Variants in CDH18 observed in about 807,000 individuals in gnomAD.
The protein encoded by CDH18 is cadherin 18.
Under a neutral mutation model 67.9 loss-of-function variants are expected in CDH18, and 31 were observed. The observed-to-expected ratio is 0.46, with a 90% CI of 0.34 to 0.62. CDH18 has a LOEUF of 0.62. Among genes scored for constraint, CDH18 ranks in the 20% least tolerant of loss-of-function variants. CDH18 has a pLI of 0.01. For missense variants in CDH18, 890 were observed against 975.5 expected (o/e 0.91, Z 1.17); for synonymous variants, 362 against 347.2 (o/e 1.04, Z -0.48).
At chr5:19,859,988 G>GT (rs1384883833) in intron 2 of CDH18, among the ~76,000 whole-genome samples, 25 of 119,258 alleles carry the variant, frequency 2.1e-4, no homozygotes, top group South Asian at 1.2e-3. Flanking sequence ...TGTTTGCTTT[G>GT]GGTGTGTGTG....
chr5:19,717,479 A>T (rs978402861), intron 5 of CDH18, among the ~76,000 whole-genome samples: 2 of 151,916 alleles, frequency 1.3e-5, no homozygotes, highest in Admixed American at 1.3e-4. Context: ...TCTCCAACCT[A>T]TGTTATGGGA....
Position 19,558,931 on chromosome 5 carries a change from T to G in CDH18, c.1253+12648A>C, listed in dbSNP as rs78182354. ...GAACACGATCTAGGACAGTTGTATA[T>G]TTCCAGGAATGTATCCATCTCCTCT... On this transcript the variant is annotated intron_variant, in intron 8 of 12. Transcript: ENST00000382275. 2.5e-3 allele frequency among the ~76,000 whole-genome samples: 381 copies of G among 152,184 alleles called. 1 individual carries two copies. Among genetic ancestry groups the G allele is most frequent in the Non-Finnish European group, 3.9e-3 (263 of 67,978 alleles).
intron 5 of CDH18, among the ~76,000 whole-genome samples, chr5:19,707,573 C>A (rs1457984323): frequency 6.6e-6 from 1 of 152,164 alleles, no homozygotes; most frequent in Non-Finnish European, 1.5e-5. Flanking sequence ...ATGAATATTT[C>A]TTTAGGATTT....
At chr5:20,411,959 G>A (rs1219316291) in intron 1 of CDH18, among the ~76,000 whole-genome samples, 1 of 152,064 alleles carries the variant, frequency 6.6e-6, no homozygotes, top group Non-Finnish European at 1.5e-5. Flanking sequence ...TCATACTGCT[G>A]AAAGCAATCT....
At chr5:19,893,586 C>A (rs1788994390) in intron 2 of CDH18, among the ~76,000 whole-genome samples, 1 of 151,912 alleles carries the variant, frequency 6.6e-6, no homozygotes, top group African/African-American at 2.4e-5. Context: ...CTCTCTCTTT[C>A]TCTCTCTCTC....
At chr5:20,386,883 T>G (rs1744356374) in intron 1 of CDH18, among the ~76,000 whole-genome samples, 1 of 152,080 alleles carries the variant, frequency 6.6e-6, no homozygotes, top group Admixed American at 6.6e-5. Flanking sequence ...CTTCTCTCTG[T>G]CTCTCTCTCC....
intron 1 of CDH18, among the ~76,000 whole-genome samples, chr5:20,527,196 C>T (rs112059864): frequency 6.6e-6 from 1 of 151,330 alleles, no homozygotes; most frequent in East Asian, 1.9e-4. Context: ...ATAAGGCAGG[C>T]AGACAAGACT....
intron 2 of CDH18, among the ~76,000 whole-genome samples, chr5:19,888,437 A>G (rs1166443134): frequency 6.6e-6 from 1 of 151,826 alleles, no homozygotes; most frequent in Non-Finnish European, 1.5e-5. Flanking sequence ...CTTTCATTAG[A>G]TTTATTTCTA....
At position 20,128,618 on chromosome 5, in the gene CDH18, G is replaced by A. The variant is rs114751747; in HGVS notation, c.-518+126826C>T. Among the ~76,000 whole-genome samples the A allele has an allele frequency of 6.8e-3, 1,031 of 152,172 alleles. 6 individuals are homozygous for A. The highest frequency in any genetic ancestry group is 0.014 in the Middle Eastern group (4 of 294). On this transcript the variant is annotated intron_variant, in intron 2 of 14. Coordinates refer to the CDH18 transcript ENST00000507958. ...CTATCTCTGACACAAATCAAAATGTGTTACCTTCCAGGAACAGTTGAGTTT... is the reference window on the plus strand; with the variant it reads ...CTATCTCTGACACAAATCAAAATGTATTACCTTCCAGGAACAGTTGAGTTT...
chr5:20,117,028 T>A (rs199525410), intron 2 of CDH18, among the ~76,000 whole-genome samples: 116 of 139,410 alleles, frequency 8.3e-4, no homozygotes, highest in African/African-American at 1.9e-3. Context: ...TGTGTGTGTG[T>A]GAGTGTGTGT....
At chr5:20,300,598 A>G (rs945273667) in intron 1 of CDH18, among the ~76,000 whole-genome samples, 1 of 152,220 alleles carries the variant, frequency 6.6e-6, no homozygotes, top group East Asian at 1.9e-4. Flanking sequence ...TATCCTTAAG[A>G]ATAAATCGGT....
At chr5:20,243,625 G>A (rs1424289982) in intron 2 of CDH18, among the ~76,000 whole-genome samples, 1 of 151,878 alleles carries the variant, frequency 6.6e-6, no homozygotes, top group Admixed American at 6.6e-5. Context: ...TTACATTTAT[G>A]TTGTTCCAAA....
At chr5:20,067,138 T>C (rs1743049374) in intron 2 of CDH18, among the ~76,000 whole-genome samples, 1 of 151,956 alleles carries the variant, frequency 6.6e-6, no homozygotes, top group South Asian at 2.1e-4. Flanking sequence ...GAAGGATGTA[T>C]GTGGTTTATA....
intron 1 of CDH18, among the ~76,000 whole-genome samples, chr5:20,368,142 C>A (rs1742675866): frequency 6.6e-6 from 1 of 152,140 alleles, no homozygotes; most frequent in Non-Finnish European, 1.5e-5. Flanking sequence ...TTGAAAGCTT[C>A]TATGTCCTTT....
chr5:20,537,311 C>A (rs1027454696), intron 1 of CDH18, among the ~76,000 whole-genome samples: 2 of 151,896 alleles, frequency 1.3e-5, no homozygotes, highest in Admixed American at 1.3e-4. Context: ...TTTGTGATTA[C>A]AATAAAATAA....
intron 1 of CDH18, among the ~76,000 whole-genome samples, chr5:20,460,389 C>A (rs957035369): frequency 2.9e-5 from 4 of 137,298 alleles, no homozygotes; most frequent in African/African-American, 1.1e-4. Context: ...GAGACTCCAT[C>A]TCTAAATACA....
chr5:19,694,536 CAAT>C (rs894684307), intron 5 of CDH18, among the ~76,000 whole-genome samples: 2 of 152,052 alleles, frequency 1.3e-5, no homozygotes, highest in Admixed American at 1.3e-4. Flanking sequence ...AAAGTTTAGT[CAAT>C]AATAACAGAT....
chr5:19,793,011 T>C (rs1005024316), intron 3 of CDH18, among the ~76,000 whole-genome samples: 7 of 152,140 alleles, frequency 4.6e-5, no homozygotes, highest in African/African-American at 1.7e-4. Context: ...AGTGAAATAA[T>C]TTGATGATAT....
intron 2 of CDH18, among the ~76,000 whole-genome samples, chr5:20,232,190 A>C (rs1042913850): frequency 6.6e-6 from 1 of 151,322 alleles, no homozygotes; most frequent in Non-Finnish European, 1.5e-5. Context: ...TTTAAGAAGG[A>C]CTCTATAGTT....
Sources: gnomAD v4.1 joint callset for allele counts (sites outside exome capture counted in the v4.1 genomes callset) on GRCh38, gnomAD v4.1.1 for gene constraint, MANE v1.5 for transcripts, NCBI Gene and HGNC (gene_info 2026-07-23, HGNC 2026-07-21) for gene names.